Variants in PCDH9 observed in about 807,000 individuals in gnomAD.
PCDH9 encodes protocadherin 9.
Under a neutral mutation model 70.6 loss-of-function variants are expected in PCDH9, and 24 were observed. The ratio of observed to expected loss-of-function variants is 0.34; its 90% CI spans 0.25 to 0.48. PCDH9 has a LOEUF of 0.48. Among genes scored for constraint, PCDH9 ranks in the 20% least tolerant of loss-of-function variants. The pLI is 0.99. For synonymous variants in PCDH9, 562 were observed against 558.5 expected (o/e 1.01, Z -0.09); for missense variants, 1,281 against 1,503.6 (o/e 0.85, Z 2.45).
chr13:66,564,545 A>G (rs1342465240), intron 4 of PCDH9, among the ~76,000 whole-genome samples: 1 of 152,162 alleles, frequency 6.6e-6, no homozygotes, highest in Non-Finnish European at 1.5e-5. Context: ...TAACAGAGAA[A>G]TGGGAGTGTT....
chr13:66,913,224 T>C (rs1189019196), intron 2 of PCDH9, among the ~76,000 whole-genome samples: 6 of 152,062 alleles, frequency 3.9e-5, no homozygotes, highest in Non-Finnish European at 8.8e-5. Flanking sequence ...GAATTTATAT[T>C]TGTAAGAGTA....
intron 2 of PCDH9, among the ~76,000 whole-genome samples, chr13:67,125,165 G>A (rs2086952207): frequency 6.6e-6 from 1 of 152,138 alleles, no homozygotes. Context: ...GATGTAAAGT[G>A]TTTCTGTCTG....
chr13:67,045,124 G>A (rs1294450477), intron 2 of PCDH9, among the ~76,000 whole-genome samples: 4 of 152,080 alleles, frequency 2.6e-5, no homozygotes, highest in Non-Finnish European at 5.9e-5. Context: ...CCAAGAGGCA[G>A]GCTCAGCAGA....
intron 4 of PCDH9, among the ~76,000 whole-genome samples, chr13:66,508,843 A>G (rs1176408749): frequency 6.6e-6 from 1 of 152,192 alleles, no homozygotes; most frequent in Admixed American, 6.5e-5. Flanking sequence ...TTCTTTTGGA[A>G]AATTCTTGGG....
intron 4 of PCDH9, among the ~76,000 whole-genome samples, chr13:66,366,362 T>TAA (rs1956555194): frequency 6.6e-6 from 1 of 152,066 alleles, no homozygotes; most frequent in African/African-American, 2.4e-5. Context: ...TTTTTTTGCA[T>TAA]GTTCCTAAAA....
chr13:66,963,557 C>T (rs1286188697), intron 2 of PCDH9, among the ~76,000 whole-genome samples: 2 of 152,168 alleles, frequency 1.3e-5, no homozygotes, highest in African/African-American at 4.8e-5. Flanking sequence ...AAGTGCACCA[C>T]ATTGATAGAC....
chr13:66,816,332 T>C (rs936372036), intron 3 of PCDH9, among the ~76,000 whole-genome samples: 35 of 152,122 alleles, frequency 2.3e-4, no homozygotes, highest in Admixed American at 2.2e-3. Flanking sequence ...ACAAACACAC[T>C]AAAGCTAAAC....
chr13:67,163,053 C>T (rs2088007218), intron 2 of PCDH9, among the ~76,000 whole-genome samples: 1 of 152,156 alleles, frequency 6.6e-6, no homozygotes, highest in African/African-American at 2.4e-5. Context: ...GATAGTAACA[C>T]TTTTAAGTTT....
intron 2 of PCDH9, among the ~76,000 whole-genome samples, chr13:67,019,094 C>T (rs1487265558): frequency 1.3e-5 from 2 of 151,976 alleles, no homozygotes; most frequent in Admixed American, 6.6e-5. Context: ...TGTCCTCCCT[C>T]ACAAAGTTCT....
At chr13:67,181,941 C>T (rs2088627160) in intron 2 of PCDH9, among the ~76,000 whole-genome samples, 1 of 152,154 alleles carries the variant, frequency 6.6e-6, no homozygotes, top group Non-Finnish European at 1.5e-5. Context: ...ATTTCTAGGA[C>T]ACTACAGTCC....
chr13:66,340,140 A>G (rs1372268429), intron 4 of PCDH9, among the ~76,000 whole-genome samples: 1 of 152,264 alleles, frequency 6.6e-6, no homozygotes, highest in Non-Finnish European at 1.5e-5. Flanking sequence ...AAATAATGTA[A>G]TGGCAGAATA....
chr13:66,785,350 A>C (rs2080062646), intron 3 of PCDH9, among the ~76,000 whole-genome samples: 1 of 151,990 alleles, frequency 6.6e-6, no homozygotes, highest in Non-Finnish European at 1.5e-5. Context: ...TAGTATGAAT[A>C]CTTTCAAGTT....
At chr13:66,833,996 GA>G (rs1228898101) in intron 3 of PCDH9, among the ~76,000 whole-genome samples, 3 of 151,916 alleles carry the variant, frequency 2.0e-5, no homozygotes, top group East Asian at 1.9e-4. Context: ...TCTATGGGGA[GA>G]AAAAACTTTT....
intron 3 of PCDH9, among the ~76,000 whole-genome samples, chr13:66,796,757 T>C (rs2080248317): frequency 6.6e-6 from 1 of 152,108 alleles, no homozygotes; most frequent in African/African-American, 2.4e-5. Context: ...CTAGGAGATA[T>C]AGACATATAA....
chr13:66,959,833 T>C (rs2083318262), intron 2 of PCDH9, among the ~76,000 whole-genome samples: 1 of 152,154 alleles, frequency 6.6e-6, no homozygotes, highest in South Asian at 2.1e-4. Context: ...ATTACCTTTT[T>C]TATTAAGTCA....
intron 4 of PCDH9, among the ~76,000 whole-genome samples, chr13:66,570,287 G>T (rs1201749386): frequency 2.0e-5 from 3 of 152,122 alleles, no homozygotes; most frequent in Non-Finnish European, 4.4e-5. Flanking sequence ...TGGGAAACAG[G>T]TATGTGTGAT....
chr13:66,313,547 G>A (rs899623813), intron 4 of PCDH9, among the ~76,000 whole-genome samples: 1 of 152,190 alleles, frequency 6.6e-6, no homozygotes, highest in Non-Finnish European at 1.5e-5. Context: ...CCTTTAAAAA[G>A]TGTTGCAAAA....
At chr13:67,123,683 A>C (rs566752710) in intron 2 of PCDH9, among the ~76,000 whole-genome samples, 1 of 152,272 alleles carries the variant, frequency 6.6e-6, no homozygotes, top group African/African-American at 2.4e-5. Context: ...AACATTCATA[A>C]TTTTGCCATT....
intron 2 of PCDH9, among the ~76,000 whole-genome samples, chr13:66,904,366 C>T (rs1037975934): frequency 1.3e-5 from 2 of 151,890 alleles, no homozygotes; most frequent in Non-Finnish European, 2.9e-5. Flanking sequence ...AAGACATTTT[C>T]CACTTCCTGT....
Sources: allele counts gnomAD v4.1 joint callset (sites outside exome capture counted in the v4.1 genomes callset), GRCh38; gene constraint gnomAD v4.1.1; transcripts MANE v1.5; gene names NCBI Gene and HGNC (gene_info 2026-07-23, HGNC 2026-07-21).